Variants in PLXNA4 observed in about 807,000 individuals in gnomAD.
PLXNA4 encodes plexin-A4.
Under a neutral mutation model 191.8 loss-of-function variants are expected in PLXNA4, and 44 were observed. The ratio of observed to expected loss-of-function variants is 0.23; its 90% CI spans 0.18 to 0.29. The LOEUF (loss-of-function observed/expected upper bound fraction) is 0.29. Ranked by LOEUF, PLXNA4 falls within the 10% of genes least tolerant of loss-of-function variation. The probability of loss-of-function intolerance (pLI) is 1.00; values close to 1 mark genes in which losing one functional copy is unlikely to be tolerated. For missense variants in PLXNA4, 1,800 were observed against 2,488.8 expected (o/e 0.72, Z 5.89); for synonymous variants, 1,082 against 1,009.5 (o/e 1.07, Z -1.36).
chr7:132,187,017 C>A (rs1178369946), intron 15 of PLXNA4, among the ~76,000 whole-genome samples: 1 of 152,130 alleles, frequency 6.6e-6, no homozygotes, highest in African/African-American at 2.4e-5. Context: ...CTTTTCAGAT[C>A]CTGAATTCTG....
chr7:132,436,500 C>T (rs1219574343), intron 3 of PLXNA4, among the ~76,000 whole-genome samples: 5 of 152,220 alleles, frequency 3.3e-5, no homozygotes, highest in Admixed American at 3.3e-4. Flanking sequence ...CCTCCACCTG[C>T]ACCTTCACTG....
Position 132,132,483 on chromosome 7 carries a change from C to CTTTCTATTCTAT in PLXNA4, c.5589+565_5589+566insATAGAATAGAAA, listed in dbSNP as rs1563048449. ...TTCTGTTCTGCTCTGCTCTGCTCTGCTCTGCTCTATTCTTTTCTATTCTAT... is the reference window on the plus strand; with the variant it reads ...TTCTGTTCTGCTCTGCTCTGCTCTGCTTTCTATTCTATTCTGCTCTATTCTTTTCTATTCTAT... On this transcript the variant is annotated intron_variant, in intron 31 of 31. Transcript: ENST00000321063. 1.2e-3 allele frequency among the ~76,000 whole-genome samples: 99 copies of CTTTCTATTCTAT among 80,788 alleles called. 5 individuals carry two copies. The highest frequency in any genetic ancestry group is 1.9e-3 in the Admixed American group (14 of 7,318). 53.0% of individuals were successfully genotyped at this position (80,788 alleles called of 152,430 possible).
intron 2 of PLXNA4, among the ~76,000 whole-genome samples, chr7:132,587,330 A>G (rs926879191): frequency 6.6e-6 from 1 of 152,246 alleles, no homozygotes; most frequent in Non-Finnish European, 1.5e-5. Flanking sequence ...AAGTAGGATC[A>G]GAGAATGGAA....
chr7:132,305,310 A>G (rs905708074), intron 3 of PLXNA4, among the ~76,000 whole-genome samples: 3 of 151,408 alleles, frequency 2.0e-5, no homozygotes, highest in Admixed American at 6.6e-5. Context: ...AACCTCCACT[A>G]CAGTGTTCAG....
chr7:132,375,176 G>A (rs1416461180), intron 3 of PLXNA4, among the ~76,000 whole-genome samples: 1 of 152,210 alleles, frequency 6.6e-6, no homozygotes, highest in African/African-American at 2.4e-5. Context: ...GGCCAGAGTA[G>A]GAAAGAAACC....
chr7:132,442,079 T>C (rs1795719129), intron 3 of PLXNA4, among the ~76,000 whole-genome samples: 1 of 152,206 alleles, frequency 6.6e-6, no homozygotes, highest in Non-Finnish European at 1.5e-5. Flanking sequence ...GTGCTCACCC[T>C]ATCTGGGAGG....
intron 4 of PLXNA4, among the ~76,000 whole-genome samples, chr7:132,262,358 C>G (rs1799677999): frequency 6.6e-6 from 1 of 152,170 alleles, no homozygotes; most frequent in Non-Finnish European, 1.5e-5. Flanking sequence ...TTAATGATGT[C>G]CTGGGCTGAT....
chr7:132,385,392 A>G, intron 3 of PLXNA4: 1 of 1,437,722 alleles, frequency 7.0e-7, no homozygotes, highest in Admixed American at 2.9e-5. Flanking sequence ...TACAGTAAAT[A>G]TGTATTACAG....
chr7:132,402,636 T>C (rs1340697133), intron 3 of PLXNA4, among the ~76,000 whole-genome samples: 7 of 152,226 alleles, frequency 4.6e-5, no homozygotes, highest in Admixed American at 4.6e-4. Flanking sequence ...CTTTCTCACC[T>C]TGTAGCACTG....
intron 3 of PLXNA4, chr7:132,385,240 T>G (rs753003028): frequency 1.9e-6 from 3 of 1,614,124 alleles, no homozygotes; most frequent in Non-Finnish European, 2.5e-6. Flanking sequence ...TGTTGCTCTG[T>G]GGGATCGGGG....
At chr7:132,385,372 C>G in intron 3 of PLXNA4, 3 of 1,493,818 alleles carry the variant, frequency 2.0e-6, no homozygotes, top group Non-Finnish European at 2.7e-6. Flanking sequence ...TTCCCCTCCT[C>G]CTTTCTGTTT....
At chr7:132,335,784 G>T (rs1802793291) in intron 3 of PLXNA4, among the ~76,000 whole-genome samples, 1 of 152,216 alleles carries the variant, frequency 6.6e-6, no homozygotes, top group Admixed American at 6.5e-5. Context: ...TGAGAGACTG[G>T]CTCAATGAAG....
At chr7:132,481,896 C>T (rs1053475154) in intron 3 of PLXNA4, among the ~76,000 whole-genome samples, 7 of 152,290 alleles carry the variant, frequency 4.6e-5, no homozygotes, top group Non-Finnish European at 4.4e-5. Context: ...GTGGGTGTGG[C>T]GACTGCTTCA....
intron 9 of PLXNA4, among the ~76,000 whole-genome samples, chr7:132,214,553 TCCTC>T (rs1021506237): frequency 2.0e-5 from 3 of 151,824 alleles, no homozygotes; most frequent in African/African-American, 7.3e-5. Context: ...CCCTGCCCCT[TCCTC>T]CCACCCCAGC....
intron 4 of PLXNA4, among the ~76,000 whole-genome samples, chr7:132,243,233 A>T (rs1481496714): frequency 6.6e-6 from 1 of 152,262 alleles, no homozygotes; most frequent in Non-Finnish European, 1.5e-5. Flanking sequence ...GTTGGGAAAC[A>T]TAAGTACACA....
In PLXNA4 at chr7:132,159,605, CATT is replaced by C; in HGVS notation, c.4525_4527del (p.Asn1509del). ...TTTACTGGGACCTCGGGGCTGTTGG[CATT>C]GTCTGGGCTGACACAGCTCAGGACC... On this transcript the variant is annotated inframe_deletion, in exon 25 of 32. Transcript: ENST00000321063. The C allele has an allele frequency of 6.2e-7, 1 of 1,614,068 alleles. No homozygotes were observed. The highest frequency in any genetic ancestry group is 1.1e-5 in the South Asian group (1 of 91,074).
intron 3 of PLXNA4, among the ~76,000 whole-genome samples, chr7:132,387,803 C>T (rs192523199): frequency 1.3e-5 from 2 of 152,106 alleles, no homozygotes; most frequent in Non-Finnish European, 2.9e-5. Flanking sequence ...GTCTACTTAG[C>T]TGGTTGACTG....
intron 9 of PLXNA4, among the ~76,000 whole-genome samples, chr7:132,214,045 G>A (rs1797885713): frequency 6.6e-6 from 1 of 152,216 alleles, no homozygotes; most frequent in Admixed American, 6.5e-5. Context: ...GCTGGTAGCT[G>A]AAGAACTCAG....
chr7:132,546,156 T>C (rs1417263069), intron 1 of PLXNA4, among the ~76,000 whole-genome samples: 1 of 152,162 alleles, frequency 6.6e-6, no homozygotes. Flanking sequence ...TAGCTAGAGC[T>C]TCAGGAATAG....
Sources: allele counts gnomAD v4.1 joint callset (sites outside exome capture counted in the v4.1 genomes callset), GRCh38; gene constraint gnomAD v4.1.1; transcripts MANE v1.5; gene names NCBI Gene and HGNC (gene_info 2026-07-23, HGNC 2026-07-21).